Variants in CDK14 observed in about 807,000 individuals in gnomAD.
The protein encoded by CDK14 is cyclin dependent kinase 14, also known as cyclin-dependent kinase 14.
CDK14 carries 34 observed loss-of-function variants against 60.7 expected under a neutral mutation model. The observed-to-expected ratio is 0.56, with a 90% CI of 0.43 to 0.75. The LOEUF is 0.75. Ranked by LOEUF, CDK14 falls within the 30% of genes least tolerant of loss-of-function variation. The pLI is 0.00. For missense variants in CDK14, 482 were observed against 564.1 expected (o/e 0.85, Z 1.47); for synonymous variants, 197 against 203.7 (o/e 0.97, Z 0.28).
At chr7:91,138,359 A>C (rs1800347803) in intron 14 of CDK14, among the ~76,000 whole-genome samples, 1 of 152,210 alleles carries the variant, frequency 6.6e-6, no homozygotes, top group Non-Finnish European at 1.5e-5. Context: ...AGAGTTTTTA[A>C]AAGGTGTATT....
intron 8 of CDK14, among the ~76,000 whole-genome samples, chr7:90,955,222 C>A (rs1239794675): frequency 6.6e-6 from 1 of 152,066 alleles, no homozygotes; most frequent in African/African-American, 2.4e-5. Context: ...TAGGACAATT[C>A]TTTGGGGAAA....
At chr7:91,096,957 C>T (rs1799009311) in intron 12 of CDK14, among the ~76,000 whole-genome samples, 1 of 152,096 alleles carries the variant, frequency 6.6e-6, no homozygotes, top group African/African-American at 2.4e-5. Flanking sequence ...AAGTCTACAC[C>T]CTCAACAGGA....
At chr7:91,203,851 T>C (rs1226976977) in intron 14 of CDK14, among the ~76,000 whole-genome samples, 1 of 152,200 alleles carries the variant, frequency 6.6e-6, no homozygotes, top group Non-Finnish European at 1.5e-5. Context: ...CTTTCTCTTC[T>C]TGATGTCATG....
At chr7:91,134,454 G>A (rs180786547) in intron 14 of CDK14, among the ~76,000 whole-genome samples, 1 of 152,070 alleles carries the variant, frequency 6.6e-6, no homozygotes, top group African/African-American at 2.4e-5. Context: ...TAAGATTCTT[G>A]ACCTTATATA....
chr7:90,649,260 CT>C (rs1563029655), intron 2 of CDK14, among the ~76,000 whole-genome samples: 1 of 42,914 alleles, frequency 2.3e-5, no homozygotes, highest in Non-Finnish European at 4.7e-5. Flanking sequence ...TTCTTTCTTT[CT>C]TTCTTTCTTT....
chr7:90,989,242 T>C (rs1795465691), intron 10 of CDK14, among the ~76,000 whole-genome samples: 2 of 152,160 alleles, frequency 1.3e-5, no homozygotes, highest in Admixed American at 1.3e-4. Flanking sequence ...TAGGGAAGCC[T>C]TGTAGAATGT....
chr7:90,664,859 C>T (rs528860467), intron 2 of CDK14, among the ~76,000 whole-genome samples: 72 of 152,102 alleles, frequency 4.7e-4, no homozygotes, highest in African/African-American at 1.6e-3. Context: ...TTAATTGGTG[C>T]AGCACACCAA....
intron 8 of CDK14, among the ~76,000 whole-genome samples, chr7:90,928,979 C>G (rs530396675): frequency 6.6e-6 from 1 of 152,326 alleles, no homozygotes; most frequent in South Asian, 2.1e-4. Flanking sequence ...GACTGCTGTG[C>G]CAGCAGTGAG....
At chr7:90,922,147 T>C (rs978026983) in intron 8 of CDK14, among the ~76,000 whole-genome samples, 2 of 152,230 alleles carry the variant, frequency 1.3e-5, no homozygotes, top group African/African-American at 4.8e-5. Context: ...AAATTCACCA[T>C]TGAAGTTATA....
intron 14 of CDK14, among the ~76,000 whole-genome samples, chr7:91,200,356 T>C (rs1298558435): frequency 6.6e-6 from 1 of 152,236 alleles, no homozygotes; most frequent in Non-Finnish European, 1.5e-5. Context: ...AACAACCTTA[T>C]GTGTGAACTT....
intron 2 of CDK14, among the ~76,000 whole-genome samples, chr7:90,639,465 T>C (rs1442190388): frequency 6.6e-6 from 1 of 152,142 alleles, no homozygotes; most frequent in Non-Finnish European, 1.5e-5. Context: ...ACATGAATGC[T>C]GCTGTCTGAT....
Position 90,598,233 on chromosome 7 carries a change from A to T in CDK14, c.91+1515A>T, listed in dbSNP as rs559586993. Among the ~76,000 whole-genome samples, 9 of 152,348 alleles carry T rather than the reference A, an allele frequency of 5.9e-5. No homozygotes were observed. In the South Asian group the frequency reaches 1.9e-3, roughly 32 times the overall value. ...TAATTCATTGCAATTGAGTCTCAGT[A>T]AGAAACCAAGGACATTAATCTAAAA... On this transcript the variant is annotated intron_variant, in intron 1 of 14. Coordinates refer to ENST00000380050, the MANE Select transcript of CDK14 (RefSeq NM_001287135.2).
chr7:90,915,410 A>C (rs1793049658), intron 7 of CDK14, among the ~76,000 whole-genome samples: 1 of 152,040 alleles, frequency 6.6e-6, no homozygotes, highest in African/African-American at 2.4e-5. Context: ...CTGTGCTCCA[A>C]AAAGTACAGG....
chr7:90,757,530 C>T (rs2116847247), intron 4 of CDK14, among the ~76,000 whole-genome samples: 1 of 151,836 alleles, frequency 6.6e-6, no homozygotes, highest in South Asian at 2.1e-4. Flanking sequence ...CATCCTTTAC[C>T]TATTGGTTCT....
chr7:90,802,506 C>T (rs894659596), intron 5 of CDK14, among the ~76,000 whole-genome samples: 1 of 152,252 alleles, frequency 6.6e-6, no homozygotes, highest in African/African-American at 2.4e-5. Context: ...TTTGGTCTTA[C>T]AGTAAATTTT....
chr7:90,970,049 C>G (rs1313968786), intron 9 of CDK14, among the ~76,000 whole-genome samples: 1 of 151,248 alleles, frequency 6.6e-6, no homozygotes, highest in Non-Finnish European at 1.5e-5. Context: ...TCATTGCAAC[C>G]TCCGCCTCCC....
chr7:90,885,879 G>C lies in CDK14; in HGVS notation c.640-13412G>C, dbSNP rs887571449. Among the ~76,000 whole-genome samples, 52 of 152,226 alleles carry C rather than the reference G, an allele frequency of 3.4e-4. 1 individual carries two copies. The highest frequency in any genetic ancestry group is 6.6e-4 in the Non-Finnish European group (45 of 68,008). On this transcript the variant is annotated intron_variant, in intron 6 of 14. Coordinates refer to ENST00000380050, the MANE Select transcript of CDK14 (RefSeq NM_001287135.2). Reference sequence around the variant, plus strand: ...TGAACATTGAGAACACATGGACACAGAGAAGAACAAAACACACCAGGGCCT... The same window carrying C: ...TGAACATTGAGAACACATGGACACACAGAAGAACAAAACACACCAGGGCCT...
intron 4 of CDK14, among the ~76,000 whole-genome samples, chr7:90,761,161 C>A (rs1190099058): frequency 2.0e-5 from 3 of 152,116 alleles, no homozygotes; most frequent in African/African-American, 7.2e-5. Context: ...GAATAACTTT[C>A]CTATTAGACA....
intron 10 of CDK14, among the ~76,000 whole-genome samples, chr7:91,031,610 C>T (rs1386318706): frequency 1.3e-5 from 2 of 152,034 alleles, no homozygotes; most frequent in Non-Finnish European, 2.9e-5. Context: ...CTTAGCCAAA[C>T]GATTAGATGT....
Sources: allele counts gnomAD v4.1 joint callset (sites outside exome capture counted in the v4.1 genomes callset), GRCh38; gene constraint gnomAD v4.1.1; transcripts MANE v1.5; gene names NCBI Gene and HGNC (gene_info 2026-07-23, HGNC 2026-07-21).